TAOK1: variants seen among roughly 807,000 people sequenced by gnomAD.
TAOK1 encodes serine/threonine-protein kinase TAO1.
Under a neutral mutation model 138.3 loss-of-function variants are expected in TAOK1, and 21 were observed. That is an observed-to-expected ratio of 0.15 (90% CI 0.11 to 0.22). The LOEUF (loss-of-function observed/expected upper bound fraction) is 0.22, where lower values mean the gene tolerates loss of function less well. TAOK1 is among the 10% of genes least tolerant of loss of function. The pLI is 1.00. For missense variants in TAOK1, 651 were observed against 1,227.7 expected, an observed-to-expected ratio of 0.53 and a Z score of 7.02; for synonymous variants, 361 against 398.4, an observed-to-expected ratio of 0.91 and a Z score of 1.12.
intron 2 of TAOK1, among the ~76,000 whole-genome samples, chr17:29,454,254 T>G (rs1420715890): frequency 6.6e-6 from 1 of 152,216 alleles, no homozygotes; most frequent in African/African-American, 2.4e-5. Context: ...TTCTGATCTC[T>G]TAATTCTATT....
At chr17:29,518,757 T>TA (rs2031865104) in intron 16 of TAOK1, among the ~76,000 whole-genome samples, 1 of 63,662 alleles carries the variant, frequency 1.6e-5, no homozygotes, top group South Asian at 4.0e-4. Context: ...TTACTTTATC[T>TA]ATTTATTTAT....
intron 1 of TAOK1, among the ~76,000 whole-genome samples, chr17:29,417,644 G>T (rs577359966): frequency 6.6e-6 from 1 of 152,172 alleles, no homozygotes; most frequent in South Asian, 2.1e-4. Context: ...AGTTTCTTCT[G>T]GTCCTCTTTT....
chr17:29,471,276 C>CTTTTTT (rs759764241), intron 3 of TAOK1, among the ~76,000 whole-genome samples: 6 of 81,826 alleles, frequency 7.3e-5, no homozygotes, highest in Non-Finnish European at 1.1e-4. Context: ...TATTTTCTTT[C>CTTTTTT]TTTTTTTTTT....
intron 1 of TAOK1, among the ~76,000 whole-genome samples, chr17:29,447,977 T>TTTG (rs2030135748): frequency 6.7e-6 from 1 of 149,330 alleles, no homozygotes; most frequent in Non-Finnish European, 1.5e-5. Context: ...TTTTTTTTTT[T>TTTG]TAATTCTTAC....
chr17:29,410,619 G>GTTTTTT (rs61646352), intron 1 of TAOK1, among the ~76,000 whole-genome samples: 2 of 125,990 alleles, frequency 1.6e-5, no homozygotes, highest in African/African-American at 5.9e-5. Context: ...AGGGTTTTTT[G>GTTTTTT]TTTTTTTTTT....
At chr17:29,537,940 C>T (rs988676195) in intron 19 of TAOK1, among the ~76,000 whole-genome samples, 10 of 151,766 alleles carry the variant, frequency 6.6e-5, no homozygotes, top group Non-Finnish European at 1.2e-4. Flanking sequence ...GGTGAAACCC[C>T]GTCTCTACTA....
intron 3 of TAOK1, among the ~76,000 whole-genome samples, chr17:29,468,031 T>C (rs1325093458): frequency 6.6e-6 from 1 of 151,348 alleles, no homozygotes; most frequent in African/African-American, 2.4e-5. Flanking sequence ...GTCTCCATGT[T>C]GGCCAGGCTG....
At chr17:29,530,376 C>G (rs376596534) in intron 17 of TAOK1, 31 bp from the exon 18 acceptor site, 2 of 1,594,150 alleles carry the variant, frequency 1.3e-6, no homozygotes, top group African/African-American at 2.7e-5. Context: ...TTCGTTACAA[C>G]TTACATAAAT....
chr17:29,426,738 T>G (rs1172322865), intron 1 of TAOK1, among the ~76,000 whole-genome samples: 1 of 152,156 alleles, frequency 6.6e-6, no homozygotes, highest in Non-Finnish European at 1.5e-5. Flanking sequence ...GTTGGTACAT[T>G]GTATGATTTG....
intron 1 of TAOK1, among the ~76,000 whole-genome samples, chr17:29,413,258 T>C (rs1905187725): frequency 6.6e-6 from 1 of 152,088 alleles, no homozygotes; most frequent in Non-Finnish European, 1.5e-5. Context: ...CCATCCCAAA[T>C]AGCTAAACTT....
In TAOK1 at chr17:29,475,699, G is replaced by A; in HGVS notation, c.234G>A (p.Lys78=). 1 of 1,612,672 alleles carries A rather than the reference G, an allele frequency of 6.2e-7. No individual in the cohort carries two copies. The highest frequency in any genetic ancestry group is 8.5e-7 in the Non-Finnish European group (1 of 1,179,466). The change falls in exon 4 of 20, where the codon AAG becomes AAA. Residue 78 remains lysine, a synonymous_variant. Coordinates refer to ENST00000261716, the MANE Select transcript of TAOK1 (RefSeq NM_020791.4). ...GGCAGGATATTATTAAGGAAGTCAA[G>A]TTTCTACAAAGAATAAAACATCCCA... ...EKWQDIIKEV[K]FLQRIKHPNS...
chr17:29,427,748 G>GA lies in TAOK1; in HGVS notation c.-94-23704dup, dbSNP rs5819867. 0.022 allele frequency among the ~76,000 whole-genome samples: 3,325 copies of GA among 151,754 alleles called. 266 individuals are homozygous for GA. In the East Asian group the frequency reaches 0.31, roughly 14 times the overall value. ...TCCATACCAGCCTGGCCAACATGGT[G>GA]AAACCTTGTCTCCACTAAAAATACA... On this transcript the variant is annotated intron_variant, in intron 1 of 19. Coordinates refer to ENST00000261716, the MANE Select transcript of TAOK1 (RefSeq NM_020791.4).
chr17:29,537,741 C>A (rs968942353), intron 19 of TAOK1, among the ~76,000 whole-genome samples: 3 of 151,726 alleles, frequency 2.0e-5, no homozygotes, highest in Non-Finnish European at 4.4e-5. Flanking sequence ...AAAAGAAATC[C>A]AAATTACAGG....
intron 14 of TAOK1, among the ~76,000 whole-genome samples, chr17:29,509,876 G>A (rs2031690329): frequency 6.6e-6 from 1 of 151,584 alleles, no homozygotes; most frequent in Middle Eastern, 3.2e-3. Flanking sequence ...CTGGGTGACA[G>A]AGTGAGACCC....
At chr17:29,428,501 A>G (rs934967215) in intron 1 of TAOK1, among the ~76,000 whole-genome samples, 1 of 152,180 alleles carries the variant, frequency 6.6e-6, no homozygotes, top group Admixed American at 6.6e-5. Flanking sequence ...TAGCCTAGAG[A>G]AAGTTGATGA....
intron 1 of TAOK1, among the ~76,000 whole-genome samples, chr17:29,426,112 C>CCTCGTG (rs1248794167): frequency 2.0e-5 from 3 of 152,114 alleles, no homozygotes; most frequent in Non-Finnish European, 2.9e-5. Context: ...GATCTCCTGA[C>CCTCGTG]CTCGTGATCC....
chr17:29,530,146 T>C (rs905226618), intron 17 of TAOK1, among the ~76,000 whole-genome samples: 1 of 152,240 alleles, frequency 6.6e-6, no homozygotes, highest in Non-Finnish European at 1.5e-5. Context: ...ACAACAGATA[T>C]TGTTACAAGT....
At chr17:29,511,013 T>C in intron 15 of TAOK1, 21 bp downstream of exon 15, 1 of 1,568,980 alleles carries the variant, frequency 6.4e-7, no homozygotes, top group Non-Finnish European at 8.6e-7. Flanking sequence ...CATAAAACTT[T>C]CCAAGCAAAT....
intron 1 of TAOK1, among the ~76,000 whole-genome samples, chr17:29,401,321 T>A (rs1212080617): frequency 2.6e-5 from 4 of 152,178 alleles, no homozygotes; most frequent in African/African-American, 9.6e-5. Flanking sequence ...CTCACGGTTC[T>A]GTGGGCTATA....
Sources: allele counts gnomAD v4.1 joint callset (sites outside exome capture counted in the v4.1 genomes callset), GRCh38; gene constraint gnomAD v4.1.1; transcripts MANE v1.5; gene names NCBI Gene and HGNC (gene_info 2026-07-23, HGNC 2026-07-21).